Variants in RALGAPA2 observed in about 807,000 individuals in gnomAD.
RALGAPA2 encodes ral GTPase-activating protein subunit alpha-2.
In RALGAPA2, 139 loss-of-function variants were observed where a neutral mutation model predicts 230.4. The ratio of observed to expected loss-of-function variants is 0.60; its 90% CI spans 0.53 to 0.69. The LOEUF (loss-of-function observed/expected upper bound fraction) is 0.69, where lower values mean the gene tolerates loss of function less well. Among genes scored for constraint, RALGAPA2 ranks in the 30% least tolerant of loss-of-function variants. The pLI is 0.00. For synonymous variants in RALGAPA2, 847 were observed against 837.8 expected (o/e 1.01, Z -0.19); for missense variants, 2,163 against 2,276.0 (o/e 0.95, Z 1.01).
intron 37 of RALGAPA2, among the ~76,000 whole-genome samples, chr20:20,468,959 G>GTT (rs2061480095): frequency 2.0e-5 from 3 of 147,672 alleles, no homozygotes; most frequent in African/African-American, 7.9e-5. Context: ...GTGTGTGTGT[G>GTT]TGTTTGTGTG....
At chr20:20,531,291 C>G (rs2063359540) in intron 27 of RALGAPA2, among the ~76,000 whole-genome samples, 1 of 152,186 alleles carries the variant, frequency 6.6e-6, no homozygotes, top group South Asian at 2.1e-4. Flanking sequence ...TTAAAGTGCC[C>G]AAGATTCAGC....
intron 23 of RALGAPA2, among the ~76,000 whole-genome samples, chr20:20,559,444 T>C (rs896472613): frequency 6.6e-6 from 1 of 152,052 alleles, no homozygotes; most frequent in Non-Finnish European, 1.5e-5. Flanking sequence ...CCAGATCCAC[T>C]AGCAAAGCAG....
intron 16 of RALGAPA2, among the ~76,000 whole-genome samples, chr20:20,596,647 T>G (rs2146156919): frequency 6.6e-6 from 1 of 152,330 alleles, no homozygotes; most frequent in Middle Eastern, 3.4e-3. Context: ...ATAGTTGGAA[T>G]GTCAGGTTGT....
rs763316699 is a variant in RALGAPA2, at chr20:20,611,379, T to C, written c.1736A>G (p.Gln579Arg). The C allele has an allele frequency of 6.2e-7, 1 of 1,613,630 alleles. No individual in the cohort carries two copies. The highest frequency in any genetic ancestry group is 2.2e-5 in the East Asian group (1 of 44,878). ...ILLRITEAVM[Q>R]KPKDKQIKDL... ...CTTTATTTGTTTATCCTTTGGCTTC[T>C]GCATGACAGCTTCTGTTATCCTGAG... The change falls in exon 14 of 40, where the codon CAG becomes CGG. Residue 579 changes from glutamine (Q) to arginine (R), a missense_variant. Gln to Arg is a conservative substitution (Grantham distance 43, BLOSUM62 1). Transcript: ENST00000202677.
intron 1 of RALGAPA2, 87 bp from the exon 2 acceptor site, chr20:20,680,888 TACA>T (rs1438906243): frequency 6.7e-7 from 1 of 1,491,984 alleles, no homozygotes; most frequent in African/African-American, 1.4e-5. Context: ...AGAAGGCAAG[TACA>T]ACTAGTTTCA....
intron 37 of RALGAPA2, among the ~76,000 whole-genome samples, chr20:20,468,707 CA>C (rs1014945563): frequency 1.3e-5 from 2 of 152,030 alleles, no homozygotes; most frequent in Non-Finnish European, 2.9e-5. Context: ...GCCATTTCTT[CA>C]AATGGCCCAG....
intron 37 of RALGAPA2, among the ~76,000 whole-genome samples, chr20:20,466,057 G>A (rs901516489): frequency 1.3e-5 from 2 of 152,196 alleles, no homozygotes; most frequent in South Asian, 4.1e-4. Context: ...CCAACTCAGA[G>A]AGACCAAATG....
intron 12 of RALGAPA2, among the ~76,000 whole-genome samples, chr20:20,617,638 G>A (rs1294114389): frequency 1.3e-5 from 2 of 152,162 alleles, no homozygotes; most frequent in African/African-American, 4.8e-5. Context: ...CAAAGGTACT[G>A]CATGAGTATT....
chr20:20,606,342 C>T (rs2065819307), intron 14 of RALGAPA2, among the ~76,000 whole-genome samples: 1 of 152,154 alleles, frequency 6.6e-6, no homozygotes, highest in Non-Finnish European at 1.5e-5. Flanking sequence ...ACTTCTGAAT[C>T]TCCATGTCCA....
intron 37 of RALGAPA2, among the ~76,000 whole-genome samples, chr20:20,451,063 A>G (rs751940547): frequency 5.3e-5 from 8 of 152,240 alleles, no homozygotes; most frequent in Non-Finnish European, 1.0e-4. Context: ...CATATGCCAA[A>G]CGTGGAGAAT....
intron 1 of RALGAPA2, among the ~76,000 whole-genome samples, chr20:20,689,028 C>T (rs1267496966): frequency 6.6e-6 from 1 of 152,134 alleles, no homozygotes; most frequent in African/African-American, 2.4e-5. Context: ...ATGTTCATCC[C>T]TTAAGTTACC....
At position 20,673,117 on chromosome 20, in the gene RALGAPA2, G is replaced by A. The variant is rs143655131; in HGVS notation, c.270+3119C>T. ...GGAGAATGGCATGAACCCGGGAGGCGGAGCTTGCAGTGAGCTGAGATCGCA... is the reference window on the plus strand; with the variant it reads ...GGAGAATGGCATGAACCCGGGAGGCAGAGCTTGCAGTGAGCTGAGATCGCA... On this transcript the variant is annotated intron_variant, in intron 3 of 39. Coordinates refer to ENST00000202677, the MANE Select transcript of RALGAPA2 (RefSeq NM_020343.4). Among the ~76,000 whole-genome samples, 44 of 151,642 alleles carry A rather than the reference G, an allele frequency of 2.9e-4. No homozygotes were observed. In the East Asian group the frequency reaches 5.8e-3, roughly 20 times the overall value.
In RALGAPA2 at chr20:20,541,117, C is replaced by T. The variant is rs547808181; in HGVS notation, c.3286-4333G>A. Among the ~76,000 whole-genome samples the T allele has an allele frequency of 5.4e-5, 8 of 147,892 alleles. No individual in the cohort carries two copies. The South Asian group carries it at 8.5e-4, about 16-fold the overall frequency. ...TCTTTCCTCCACATCCTTGCCTACACGTATCTTTTGTCTTTTTGGTGAAAG... is the reference window on the plus strand; with the variant it reads ...TCTTTCCTCCACATCCTTGCCTACATGTATCTTTTGTCTTTTTGGTGAAAG... On this transcript the variant is annotated intron_variant, in intron 24 of 39. Coordinates refer to ENST00000202677, the MANE Select transcript of RALGAPA2 (RefSeq NM_020343.4).
intron 33 of RALGAPA2, among the ~76,000 whole-genome samples, chr20:20,509,863 T>C (rs1274139775): frequency 1.3e-5 from 2 of 152,218 alleles, no homozygotes; most frequent in Admixed American, 1.3e-4. Flanking sequence ...TTAGTGACAT[T>C]ACCAAAGGAC....
rs553102261 is a variant in RALGAPA2, at chr20:20,665,731, T to A, written c.270+10505A>T. 9.8e-5 allele frequency among the ~76,000 whole-genome samples: 15 copies of A among 152,320 alleles called. No individual in the cohort carries two copies. In the East Asian group the frequency reaches 2.9e-3, roughly 29 times the overall value. On this transcript the variant is annotated intron_variant, in intron 3 of 39. Coordinates refer to ENST00000202677, the MANE Select transcript of RALGAPA2 (RefSeq NM_020343.4). ...TTTATATTTTGTTCCCACCTTCCGG[T>A]TTGTACAGATCATAGACATTTCACA...
At chr20:20,520,300 C>T (rs766372190) in intron 31 of RALGAPA2, among the ~76,000 whole-genome samples, 12 of 152,074 alleles carry the variant, frequency 7.9e-5, no homozygotes, top group Non-Finnish European at 1.6e-4. Context: ...ACAGTATACC[C>T]ACATTCTACT....
At chr20:20,419,414 G>A (rs577215448) in intron 37 of RALGAPA2, among the ~76,000 whole-genome samples, 24 of 152,278 alleles carry the variant, frequency 1.6e-4, no homozygotes, top group Admixed American at 4.6e-4. Context: ...TAGAGTTGAC[G>A]ATGATCACAA....
chr20:20,612,365 T>C (rs2066000912), intron 13 of RALGAPA2, among the ~76,000 whole-genome samples: 1 of 152,164 alleles, frequency 6.6e-6, no homozygotes, highest in Admixed American at 6.5e-5. Flanking sequence ...TTTACTACTT[T>C]CTCCTTGGCT....
intron 14 of RALGAPA2, among the ~76,000 whole-genome samples, chr20:20,610,199 T>C (rs920834153): frequency 1.3e-5 from 2 of 152,214 alleles, no homozygotes; most frequent in Non-Finnish European, 2.9e-5. Context: ...ACCTATGTAA[T>C]TATCCAAAGT....
Sources: gnomAD v4.1 joint callset for allele counts (sites outside exome capture counted in the v4.1 genomes callset) on GRCh38, gnomAD v4.1.1 for gene constraint, MANE v1.5 for transcripts, NCBI Gene and HGNC (gene_info 2026-07-23, HGNC 2026-07-21) for gene names.